PTBP2: variants seen among roughly 807,000 people sequenced by gnomAD.
The protein encoded by PTBP2 is polypyrimidine tract binding protein 2, also known as polypyrimidine tract-binding protein 2.
In PTBP2, 13 loss-of-function variants were observed where a neutral mutation model predicts 61.4. The observed-to-expected ratio is 0.21, with a 90% CI of 0.14 to 0.34. PTBP2 has a LOEUF of 0.34. Ranked by LOEUF, PTBP2 falls within the 10% of genes least tolerant of loss-of-function variation. The pLI is 1.00. For missense variants in PTBP2, 405 were observed against 642.6 expected, an observed-to-expected ratio of 0.63 and a Z score of 4.00; for synonymous variants, 215 against 218.5, an observed-to-expected ratio of 0.98 and a Z score of 0.14.
chr1:96,732,840 A>T (rs1465248866), intron 2 of PTBP2, among the ~76,000 whole-genome samples: 1 of 152,164 alleles, frequency 6.6e-6, no homozygotes, highest in Non-Finnish European at 1.5e-5. Context: ...TGAGTTGAAT[A>T]GTTTGGCCTT....
chr1:96,740,611 C>T (rs1375063761), intron 2 of PTBP2, among the ~76,000 whole-genome samples: 1 of 152,072 alleles, frequency 6.6e-6, no homozygotes, highest in Non-Finnish European at 1.5e-5. Context: ...CAGGTAATTA[C>T]TATACTAAAT....
At position 96,769,716 on chromosome 1, in the gene PTBP2, T is replaced by C. The variant is rs747614212; in HGVS notation, c.129T>C (p.Asp43=). Residue 43 remains aspartate (D), a synonymous_variant, in exon 4 of 14, where the codon GAT becomes GAC. Coordinates refer to ENST00000674951, the MANE Select transcript of PTBP2 (RefSeq NM_021190.4). ...AATGTCTTTCAGCCAATGGTAATGATAGTAAAAAATTTAAAGGAGAAGATA... is the reference window on the plus strand; with the variant it reads ...AATGTCTTTCAGCCAATGGTAATGACAGTAAAAAATTTAAAGGAGAAGATA... ...SSMVVTANGN[D]SKKFKGEDKM... The C allele has an allele frequency of 2.5e-6, 4 of 1,598,348 alleles. No individual in the cohort carries two copies. The Admixed American group carries it at 6.9e-5, about 28-fold the overall frequency.
chr1:96,737,509 GT>G (rs902376163), intron 2 of PTBP2, among the ~76,000 whole-genome samples: 88 of 152,188 alleles, frequency 5.8e-4, no homozygotes, highest in Admixed American at 2.0e-4. Flanking sequence ...GAGCTTATAT[GT>G]TAATAGCGTG....
At chr1:96,759,144 A>G (rs1019295407) in intron 3 of PTBP2, among the ~76,000 whole-genome samples, 2 of 152,210 alleles carry the variant, frequency 1.3e-5, no homozygotes, top group African/African-American at 4.8e-5. Flanking sequence ...AAAAAGACTT[A>G]CATGAAGACG....
Position 96,773,597 on chromosome 1 carries a change from TGAA to T in PTBP2, c.432+2749_432+2751del, listed in dbSNP as rs542417006. Among the ~76,000 whole-genome samples the T allele has an allele frequency of 2.2e-3, 335 of 152,274 alleles. 3 individuals are homozygous for T. The Middle Eastern group carries it at 0.048, about 22-fold the overall frequency. Reference sequence around the variant, plus strand: ...TATGCTTTCCTCTAGGATAAAGTAATGAAGAGCGTTTACTAAGCTGTTACCCCC... The same window carrying T: ...TATGCTTTCCTCTAGGATAAAGTAATGAGCGTTTACTAAGCTGTTACCCCC... On this transcript the variant is annotated intron_variant, in intron 5 of 13. Coordinates refer to ENST00000674951, the MANE Select transcript of PTBP2 (RefSeq NM_021190.4).
intron 2 of PTBP2, among the ~76,000 whole-genome samples, chr1:96,740,920 G>A (rs1652925903): frequency 1.3e-5 from 2 of 151,764 alleles, no homozygotes; most frequent in Non-Finnish European, 2.9e-5. Flanking sequence ...GCTACTGTAA[G>A]CATTAATATG....
In PTBP2 at chr1:96,812,596, G is replaced by A. The variant is rs1662192174; in HGVS notation, c.1172-116G>A. On this transcript the variant is annotated intron_variant, in intron 11 of 13. Transcript: ENST00000674951. ...TTATCACCAGTGGCTATGGTAAATT[G>A]GTGATTTATTTTAAAATCATAAGAA... 5.6e-5 allele frequency: 47 copies of A among 841,588 alleles called. 1 individual carries two copies. The South Asian group carries it at 8.1e-4, about 15-fold the overall frequency. The allele number at this position is 841,588 out of a possible 1,614,324, so 52.1% of individuals were successfully genotyped here. A position where few individuals can be genotyped will look rare whatever the true frequency, so the allele number is the denominator to read the frequency against.
chr1:96,784,094 A>G (rs1166776433), intron 7 of PTBP2, among the ~76,000 whole-genome samples: 2 of 152,126 alleles, frequency 1.3e-5, no homozygotes, highest in Non-Finnish European at 2.9e-5. Flanking sequence ...TACTTTTTCC[A>G]TAACACGACA....
At chr1:96,778,861 A>T (rs138771452) in intron 7 of PTBP2, among the ~76,000 whole-genome samples, 79 of 152,192 alleles carry the variant, frequency 5.2e-4, no homozygotes, top group Middle Eastern at 3.4e-3. Context: ...ACACAACCTC[A>T]TTTTGGGAGC....
intron 11 of PTBP2, among the ~76,000 whole-genome samples, chr1:96,812,160 C>T (rs1662146718): frequency 6.6e-6 from 1 of 152,080 alleles, no homozygotes; most frequent in Non-Finnish European, 1.5e-5. Context: ...TCAACTTTGT[C>T]CTTAAGGGTT....
At chr1:96,818,144 C>CT (rs891527636), downstream of PTBP2, 7 of 152,052 alleles carry the variant, frequency 4.6e-5, no homozygotes, top group African/African-American at 1.7e-4. Flanking sequence ...ACTTCTCTCG[C>CT]TTTTCTTCCT....
At chr1:96,795,648 T>TA (rs1660305213) in intron 8 of PTBP2, among the ~76,000 whole-genome samples, 1 of 152,200 alleles carries the variant, frequency 6.6e-6, no homozygotes, top group African/African-American at 2.4e-5. Context: ...GTACAGTAGT[T>TA]ACGTACTGTT....
At chr1:96,783,542 G>T (rs1658918536) in intron 7 of PTBP2, among the ~76,000 whole-genome samples, 1 of 151,964 alleles carries the variant, frequency 6.6e-6, no homozygotes, top group Admixed American at 6.6e-5. Context: ...AGCACTTTTA[G>T]CATTAACCTA....
At chr1:96,771,909 G>A (rs1657425017) in intron 5 of PTBP2, among the ~76,000 whole-genome samples, 1 of 152,076 alleles carries the variant, frequency 6.6e-6, no homozygotes, top group East Asian at 1.9e-4. Context: ...AGTATACAGT[G>A]GAATGTGGAA....
chr1:96,815,104 A>G (rs1457066696), downstream of PTBP2: 3 of 152,320 alleles, frequency 2.0e-5, no homozygotes, highest in Non-Finnish European at 4.4e-5. Flanking sequence ...AGGAGGACAC[A>G]TATTAAACAT....
intron 7 of PTBP2, among the ~76,000 whole-genome samples, chr1:96,781,703 TA>T (rs1458715658): frequency 6.6e-6 from 1 of 152,046 alleles, no homozygotes; most frequent in Non-Finnish European, 1.5e-5. Context: ...TATAATTTGT[TA>T]AATGTGTATA....
intron 8 of PTBP2, among the ~76,000 whole-genome samples, chr1:96,798,266 TGTG>T (rs1265964234): frequency 1.3e-5 from 2 of 151,662 alleles, no homozygotes; most frequent in Non-Finnish European, 2.9e-5. Flanking sequence ...ATTAGCCAGG[TGTG>T]GTGGTGGGCG....
chr1:96,797,214 C>T lies in PTBP2; in HGVS notation c.905-7586C>T, dbSNP rs758447429. Among the ~76,000 whole-genome samples, 7 of 152,128 alleles carry T rather than the reference C, an allele frequency of 4.6e-5. No individual in the cohort carries two copies. In the South Asian group the frequency reaches 6.2e-4, roughly 14 times the overall value. ...ACAGCAGTTTGAAAGTAACATTGTGCGGTGAGGTAGAGTGGCACATGATGC... is the reference window on the plus strand; with the variant it reads ...ACAGCAGTTTGAAAGTAACATTGTGTGGTGAGGTAGAGTGGCACATGATGC... On this transcript the variant is annotated intron_variant, in intron 8 of 13. Coordinates refer to ENST00000674951, the MANE Select transcript of PTBP2 (RefSeq NM_021190.4).
At chr1:96,809,366 A>G (rs1488223497) in intron 11 of PTBP2, among the ~76,000 whole-genome samples, 1 of 152,242 alleles carries the variant, frequency 6.6e-6, no homozygotes, top group East Asian at 1.9e-4. Flanking sequence ...TAAACCATAA[A>G]GCAAGCTTCA....
Sources: allele counts gnomAD v4.1 joint callset (sites outside exome capture counted in the v4.1 genomes callset), GRCh38; gene constraint gnomAD v4.1.1; transcripts MANE v1.5; gene names NCBI Gene and HGNC (gene_info 2026-07-23, HGNC 2026-07-21).